The following TMPRSS15 variants were observed in gnomAD, a reference collection of about 807,000 sequenced individuals.
TMPRSS15 encodes enteropeptidase.
TMPRSS15 carries 128 observed loss-of-function variants against 125.3 expected under a neutral mutation model. That is an observed-to-expected ratio of 1.02 (90% CI 0.89 to 1.18). TMPRSS15 has a LOEUF of 1.18. Ranked by LOEUF, TMPRSS15 falls within the 50% of genes most tolerant of loss-of-function variation. The pLI, the probability that TMPRSS15 is intolerant of heterozygous loss-of-function variation, is 0.00. For missense variants in TMPRSS15, 1,283 were observed against 1,212.7 expected, an observed-to-expected ratio of 1.06 and a Z score of -0.86; for synonymous variants, 446 against 423.2, an observed-to-expected ratio of 1.05 and a Z score of -0.66.
At chr21:18,306,280 A>T (rs2075037916) in intron 18 of TMPRSS15, among the ~76,000 whole-genome samples, 1 of 152,222 alleles carries the variant, frequency 6.6e-6, no homozygotes, top group South Asian at 2.1e-4. Flanking sequence ...TTAAACTAGG[A>T]TGAAACATAG....
rs1034898472 is a variant in TMPRSS15 at position 18,463,416 on chromosome 21, A to G, written c.10+22383T>C. ...AAGTAGAGCTAACTATCCTAACTAT[A>G]TATACACCCAATATAGGAGCACCCA... is the stretch of plus-strand genomic sequence containing the variant. On this transcript the variant is annotated intron_variant, in intron 1 of 7. Transcript: ENST00000422787. Among the ~76,000 whole-genome samples the G allele has an allele frequency of 9.2e-5, 14 of 152,076 alleles. 1 individual carries two copies. Among genetic ancestry groups the G allele is most frequent in the Admixed American group, 8.5e-4 (13 of 15,248 alleles).
intron 21 of TMPRSS15, among the ~76,000 whole-genome samples, chr21:18,294,006 T>G (rs938424060): frequency 2.6e-5 from 4 of 152,230 alleles, no homozygotes; most frequent in African/African-American, 9.6e-5. Context: ...TCCATTTTTA[T>G]GTATGTAAAA....
intron 1 of TMPRSS15, among the ~76,000 whole-genome samples, chr21:18,429,575 G>T (rs2076211927): frequency 6.6e-6 from 1 of 152,106 alleles, no homozygotes. Context: ...GTTTTATCAG[G>T]GGTTTCCACT....
chr21:18,448,051 A>G (rs1204090304), intron 1 of TMPRSS15, among the ~76,000 whole-genome samples: 1 of 152,228 alleles, frequency 6.6e-6, no homozygotes, highest in Non-Finnish European at 1.5e-5. Context: ...AAACAGTAGT[A>G]TAAAGGTTCT....
Position 18,392,590 on chromosome 21 carries a change from C to T in TMPRSS15, c.344+5289G>A, listed in dbSNP as rs186019750. Among the ~76,000 whole-genome samples the T allele has an allele frequency of 1.8e-3, 271 of 152,272 alleles. 4 individuals carry two copies. The South Asian group carries it at 0.02, about 11-fold the overall frequency. ...GTTCTCCAAACTACTCCAACCTCTG[C>T]CTGTTACCCAGTTCCAATGTCACTT... On this transcript the variant is annotated intron_variant, in intron 3 of 24. Transcript: ENST00000284885.
intron 1 of TMPRSS15, among the ~76,000 whole-genome samples, chr21:18,451,803 TA>T (rs1978343869): frequency 6.6e-6 from 1 of 152,150 alleles, no homozygotes; most frequent in African/African-American, 2.4e-5. Context: ...CAGAAGATAC[TA>T]CACATTTTTG....
At chr21:18,294,029 C>A (rs574517330) in intron 21 of TMPRSS15, among the ~76,000 whole-genome samples, 2 of 152,332 alleles carry the variant, frequency 1.3e-5, no homozygotes, top group South Asian at 4.1e-4. Context: ...GTAAAAAGAT[C>A]TAATGATGTA....
chr21:18,462,054 T>C (rs2122952940), intron 1 of TMPRSS15, among the ~76,000 whole-genome samples: 54 of 152,262 alleles, frequency 3.5e-4, no homozygotes, highest in African/African-American at 1.3e-3. Context: ...CCTAATGTGA[T>C]TGTAAATTTT....
chr21:18,317,123 A>G (rs1161526403), intron 16 of TMPRSS15, among the ~76,000 whole-genome samples: 1 of 152,220 alleles, frequency 6.6e-6, no homozygotes, highest in Admixed American at 6.5e-5. Context: ...GTTCAGGTTA[A>G]TATGATTTCA....
In TMPRSS15 at chr21:18,275,261, T is replaced by A. The variant is rs1182973768; in HGVS notation, c.2840A>T (p.Glu947Val). ...TATCATATTTTCAGTAATGTTATAT[T>A]CTGGCATCTGCTGTTGGCATCTCTC... Reference protein sequence around the residue: ...SNERCQQQMPEYNITENMICA... With the variant: ...SNERCQQQMPVYNITENMICA... Residue 947 changes from glutamate to valine, a missense_variant, in exon 24 of 25, where the codon GAA (glutamate) becomes GTA (valine). Glu to Val is a moderately radical substitution (Grantham distance 121). Coordinates refer to ENST00000284885, the MANE Select transcript of TMPRSS15 (RefSeq NM_002772.3). The A allele has an allele frequency of 4.3e-6, 7 of 1,614,060 alleles. No homozygotes were observed. The highest frequency in any genetic ancestry group is 1.7e-4 in the Middle Eastern group (1 of 6,060).
chr21:18,382,562 A>G (rs1178497551), intron 4 of TMPRSS15, among the ~76,000 whole-genome samples: 1 of 152,210 alleles, frequency 6.6e-6, no homozygotes, highest in Non-Finnish European at 1.5e-5. Context: ...GTTTTTATGT[A>G]TTTGATTTAG....
intron 1 of TMPRSS15, among the ~76,000 whole-genome samples, chr21:18,414,549 G>T (rs1267336359): frequency 6.6e-6 from 1 of 152,058 alleles, no homozygotes; most frequent in African/African-American, 2.4e-5. Context: ...TTATTGTATT[G>T]TCTGCTTCTA....
intron 10 of TMPRSS15, among the ~76,000 whole-genome samples, chr21:18,346,962 C>A (rs572314168): frequency 7.3e-4 from 111 of 152,300 alleles, no homozygotes; most frequent in African/African-American, 2.6e-3. Flanking sequence ...TATACTTCAT[C>A]TATTTCCATA....
chr21:18,485,503 C>A (rs207477761), intron 1 of TMPRSS15, among the ~76,000 whole-genome samples: 1 of 151,784 alleles, frequency 6.6e-6, no homozygotes. Context: ...TCATTTTTTG[C>A]TAAGTAATCT....
intron 7 of TMPRSS15, among the ~76,000 whole-genome samples, chr21:18,362,971 C>T (rs1382574701): frequency 6.6e-6 from 1 of 152,118 alleles, no homozygotes; most frequent in African/African-American, 2.4e-5. Flanking sequence ...TAACTATTGG[C>T]TGTATGCTAA....
intron 1 of TMPRSS15, among the ~76,000 whole-genome samples, chr21:18,402,962 C>T (rs949330764): frequency 1.3e-5 from 2 of 151,916 alleles, no homozygotes; most frequent in Non-Finnish European, 2.9e-5. Flanking sequence ...CAGTTTGTGA[C>T]CTTTTTAAGT....
intron 1 of TMPRSS15, among the ~76,000 whole-genome samples, chr21:18,433,218 G>A (rs2076220057): frequency 6.6e-6 from 1 of 152,078 alleles, no homozygotes; most frequent in Admixed American, 6.6e-5. Flanking sequence ...ACATTTTAGT[G>A]TCTCAAAAGA....
At chr21:18,474,350 G>A (rs1978836656) in intron 1 of TMPRSS15, among the ~76,000 whole-genome samples, 1 of 151,674 alleles carries the variant, frequency 6.6e-6, no homozygotes, top group Non-Finnish European at 1.5e-5. Context: ...GAGTGCTATG[G>A]CTCAATCTTT....
chr21:18,449,060 C>A (rs2076261869), intron 1 of TMPRSS15, among the ~76,000 whole-genome samples: 1 of 152,078 alleles, frequency 6.6e-6, no homozygotes. Flanking sequence ...TATACAGACA[C>A]AATTTGCTTT....
Sources: allele counts gnomAD v4.1 joint callset (sites outside exome capture counted in the v4.1 genomes callset), GRCh38; gene constraint gnomAD v4.1.1; transcripts MANE v1.5; gene names NCBI Gene and HGNC (gene_info 2026-07-23, HGNC 2026-07-21).